ADGRD1: variants seen among roughly 807,000 people sequenced by gnomAD.
The protein encoded by ADGRD1 is adhesion G protein-coupled receptor D1, also known as G-protein coupled receptor 133.
Under a neutral mutation model 113.4 loss-of-function variants are expected in ADGRD1, and 77 were observed. The ratio of observed to expected loss-of-function variants is 0.68; its 90% confidence interval spans 0.57 to 0.82. The LOEUF (loss-of-function observed/expected upper bound fraction) is 0.82, where lower values mean the gene tolerates loss of function less well. ADGRD1 is among the 40% of genes least tolerant of loss of function. The pLI is 0.00. For synonymous variants in ADGRD1, 474 were observed against 475.0 expected (o/e 1.00, Z 0.03); for missense variants, 1,036 against 1,139.1 (o/e 0.91, Z 1.30).
At chr12:131,077,402 A>T (rs1885712017) in intron 14 of ADGRD1, among the ~76,000 whole-genome samples, 1 of 152,086 alleles carries the variant, frequency 6.6e-6, no homozygotes, top group Admixed American at 6.5e-5. Flanking sequence ...AGCATCTCCC[A>T]TGTCCACTTG....
intron 13 of ADGRD1, among the ~76,000 whole-genome samples, chr12:131,065,378 C>T (rs1333234329): frequency 2.6e-5 from 4 of 152,228 alleles, no homozygotes; most frequent in African/African-American, 9.6e-5. Context: ...AACGCTCGGG[C>T]CCTGCTGTAG....
chr12:131,130,832 C>T (rs1950903092), intron 20 of ADGRD1, among the ~76,000 whole-genome samples: 1 of 152,166 alleles, frequency 6.6e-6, no homozygotes, highest in African/African-American at 2.4e-5. Context: ...CAGAGACTGC[C>T]AGGCTCTGGC....
In ADGRD1 at chr12:130,971,895, G is replaced by A. The variant is rs1470302992; in HGVS notation, c.310+315G>A. Among the ~76,000 whole-genome samples the A allele has an allele frequency of 1.3e-5, 2 of 152,200 alleles. No individual in the cohort carries two copies. The highest frequency in any genetic ancestry group is 2.9e-5 in the Non-Finnish European group (2 of 68,026). On this transcript the variant is annotated intron_variant, in intron 4 of 24. Coordinates refer to ENST00000261654, the MANE Select transcript of ADGRD1 (RefSeq NM_198827.5). The surrounding 1 kb of genome is among the most constrained non-coding windows in gnomAD (Gnocchi z 4.2). ...CGATGTCACAGTGGGGACTGGACAGGGCCGTGGCGTTTGTGGGAAGGAAAT... is the reference window on the plus strand; with the variant it reads ...CGATGTCACAGTGGGGACTGGACAGAGCCGTGGCGTTTGTGGGAAGGAAAT...
chr12:130,967,103 T>C (rs766441533), intron 3 of ADGRD1: 5 of 444,708 alleles, frequency 1.1e-5, no homozygotes, highest in South Asian at 7.8e-5. Flanking sequence ...TAGCGTCATC[T>C]GCACACTGAC....
intron 22 of ADGRD1, among the ~76,000 whole-genome samples, chr12:131,136,683 G>A (rs538996498): frequency 3.2e-4 from 48 of 152,322 alleles, no homozygotes; most frequent in African/African-American, 1.0e-3. Flanking sequence ...CACGTCTTCC[G>A]GAAGTGCCTG....
intron 13 of ADGRD1, among the ~76,000 whole-genome samples, chr12:131,032,730 T>G (rs1880924224): frequency 7.5e-6 from 1 of 132,746 alleles, no homozygotes; most frequent in Non-Finnish European, 1.6e-5. Flanking sequence ...TGACGTTTAT[T>G]AGAGAAATCG....
intron 2 of ADGRD1, among the ~76,000 whole-genome samples, chr12:130,958,839 G>A (rs187819174): frequency 5.2e-4 from 77 of 147,190 alleles, no homozygotes; most frequent in African/African-American, 1.7e-3. Context: ...TTGTCTGCAC[G>A]TTGGGCCTTT....
chr12:131,116,948 C>T (rs751671947), intron 18 of ADGRD1, among the ~76,000 whole-genome samples: 2 of 152,250 alleles, frequency 1.3e-5, no homozygotes, highest in Non-Finnish European at 2.9e-5. Flanking sequence ...TCAAAGCTCA[C>T]ACGTGCGTGT....
At position 130,981,062 on chromosome 12, in the gene ADGRD1, A is replaced by G. The variant is rs1304806765; in HGVS notation, c.311-822A>G. ...TCAGCTGCTGCCCCCTCTGTATCCAACTGCGGGAAATGAACAATTGAAGAT... is the reference window on the plus strand; with the variant it reads ...TCAGCTGCTGCCCCCTCTGTATCCAGCTGCGGGAAATGAACAATTGAAGAT... On this transcript the variant is annotated intron_variant, in intron 4 of 24. Coordinates refer to ENST00000261654, the MANE Select transcript of ADGRD1 (RefSeq NM_198827.5). 3 of 152,252 alleles carry G rather than the reference A, an allele frequency of 2.0e-5. No homozygotes were observed. The East Asian group carries it at 5.8e-4, about 29-fold the overall frequency. The allele number at this position is 152,252 out of a possible 1,614,324, so 9.4% of individuals were successfully genotyped here.
At chr12:130,975,666 T>C (rs1381428826) in intron 4 of ADGRD1, among the ~76,000 whole-genome samples, 2 of 152,210 alleles carry the variant, frequency 1.3e-5, no homozygotes, top group South Asian at 2.1e-4. Flanking sequence ...TATTAGGTAA[T>C]TCTTCCTTGC....
intron 4 of ADGRD1, among the ~76,000 whole-genome samples, chr12:130,979,171 G>C (rs1470380111): frequency 6.6e-6 from 1 of 152,206 alleles, no homozygotes; most frequent in Non-Finnish European, 1.5e-5. Flanking sequence ...ACATTACTGG[G>C]CACTCGGGAA....
intron 5 of ADGRD1, among the ~76,000 whole-genome samples, chr12:130,985,772 G>A (rs1202803899): frequency 6.6e-6 from 1 of 152,042 alleles, no homozygotes; most frequent in Non-Finnish European, 1.5e-5. Flanking sequence ...GGCTGGTCTC[G>A]AACTCCTGAC....
chr12:130,978,342 C>T (rs1239177301), intron 4 of ADGRD1: 9 of 151,936 alleles, frequency 5.9e-5, no homozygotes. Context: ...TTTTATTTTT[C>T]CTTTTTTTGT....
In ADGRD1 at chr12:131,099,980, G is replaced by A. The variant is rs564652733; in HGVS notation, c.1672-4851G>A. Among the ~76,000 whole-genome samples, 5 of 152,120 alleles carry A rather than the reference G, an allele frequency of 3.3e-5. No individual in the cohort carries two copies. In the South Asian group the frequency reaches 6.2e-4, roughly 19 times the overall value. ...GTGGGGTTGGTTGATGGTGAGGTTT[G>A]CTGGTGGTAAGTTTGGTTGAAGATA... On this transcript the variant is annotated intron_variant, in intron 15 of 24. Transcript: ENST00000261654.
intron 8 of ADGRD1, among the ~76,000 whole-genome samples, chr12:130,998,535 G>T (rs1270168707): frequency 6.6e-6 from 1 of 151,964 alleles, no homozygotes; most frequent in Admixed American, 6.6e-5. Context: ...CATGATCTTG[G>T]CTCACTGCAA....
At chr12:131,046,069 C>A (rs1217373308) in intron 13 of ADGRD1, among the ~76,000 whole-genome samples, 1 of 149,496 alleles carries the variant, frequency 6.7e-6, no homozygotes, top group Non-Finnish European at 1.5e-5. Context: ...GGTCAGTGTC[C>A]TTCCCGGTCA....
In ADGRD1 at chr12:131,113,589, T is replaced by C. The variant is rs1950393790; in HGVS notation, c.2041+4712T>C. 6.6e-6 allele frequency among the ~76,000 whole-genome samples: 1 copy of C among 152,238 alleles called. No individual in the cohort carries two copies. Among genetic ancestry groups the C allele is most frequent in the Non-Finnish European group, 1.5e-5 (1 of 68,040 alleles). Reference sequence around the variant, plus strand: ...TTTGAGTTGGCAAATGTAATTTATCTGAGGATTAAGTGGAGGTAAATTGTG... The same window carrying C: ...TTTGAGTTGGCAAATGTAATTTATCCGAGGATTAAGTGGAGGTAAATTGTG... On this transcript the variant is annotated intron_variant, in intron 18 of 24. Transcript: ENST00000261654. The surrounding 1 kb of genome is among the most constrained non-coding windows in gnomAD (Gnocchi z 4.9).
intron 13 of ADGRD1, among the ~76,000 whole-genome samples, chr12:131,021,679 G>A (rs1211743675): frequency 6.6e-6 from 1 of 152,004 alleles, no homozygotes; most frequent in African/African-American, 2.4e-5. Flanking sequence ...TCACATGGTC[G>A]TCCCTCGTGC....
At chr12:130,960,638 T>C (rs989753251) in intron 2 of ADGRD1, among the ~76,000 whole-genome samples, 5 of 132,542 alleles carry the variant, frequency 3.8e-5, no homozygotes, top group African/African-American at 1.4e-4. Context: ...ATTTGGGAGA[T>C]TTCAAATGCA....
Sources: allele counts gnomAD v4.1 joint callset (sites outside exome capture counted in the v4.1 genomes callset), GRCh38; gene constraint gnomAD v4.1.1; non-coding constraint Gnocchi (gnomAD v3.1); transcripts MANE v1.5; gene names NCBI Gene and HGNC (gene_info 2026-07-23, HGNC 2026-07-21).